Variants in CFAP52 observed in about 807,000 individuals in gnomAD.
CFAP52 encodes cilia- and flagella-associated protein 52.
In CFAP52, 57 loss-of-function variants were observed where a neutral mutation model predicts 70.5. The ratio of observed to expected loss-of-function variants is 0.81; its 90% CI spans 0.65 to 1.01. The LOEUF (loss-of-function observed/expected upper bound fraction) is 1.01, where lower values mean the gene tolerates loss of function less well. Ranked by LOEUF, CFAP52 falls within the 50% of genes least tolerant of loss-of-function variation. The pLI is 0.00. For missense variants in CFAP52, 785 were observed against 788.5 expected (o/e 1.00, Z 0.05); for synonymous variants, 267 against 292.5 (o/e 0.91, Z 0.89).
intron 12 of CFAP52, among the ~76,000 whole-genome samples, chr17:9,639,955 A>G (rs1910978511): frequency 6.6e-6 from 1 of 152,196 alleles, no homozygotes; most frequent in Non-Finnish European, 1.5e-5. Flanking sequence ...GTGAATCCTG[A>G]GAAACATGGG....
Position 9,585,827 on chromosome 17 carries a change from C to A in CFAP52, c.125C>A (p.Pro42His), listed in dbSNP as rs1241233475. 3 of 1,614,082 alleles carry A rather than the reference C, an allele frequency of 1.9e-6. No individual in the cohort carries two copies. Among genetic ancestry groups the A allele is most frequent in the Non-Finnish European group, 2.5e-6 (3 of 1,180,026 alleles). Residue 42 changes from proline to histidine, a missense_variant, in exon 2 of 14, where the codon CCT (proline) becomes CAT (histidine). Pro to His is a moderately conservative substitution (Grantham distance 77, BLOSUM62 -2). Coordinates refer to ENST00000352665, the MANE Select transcript of CFAP52 (RefSeq NM_145054.5). ...CCTGACCAGGAGCATATGATTTATC[C>A]TCTTGGTTGCACAGTCCTCATTCAG... ...CHPDQEHMIY[P>H]LGCTVLIQAI...
chr17:9,636,106 G>A (rs1447635197), intron 11 of CFAP52, among the ~76,000 whole-genome samples: 12 of 151,588 alleles, frequency 7.9e-5, no homozygotes, highest in African/African-American at 2.2e-4. Context: ...CCCAGGATGC[G>A]GAGGTTGCAG....
intron 5 of CFAP52, among the ~76,000 whole-genome samples, chr17:9,598,901 C>T (rs562129781): frequency 1.3e-5 from 2 of 152,226 alleles, no homozygotes; most frequent in African/African-American, 4.8e-5. Flanking sequence ...GCCTGCCTCA[C>T]CTGGATGAAA....
rs751551727 is a variant in CFAP52, at chr17:9,643,104, T to G, written c.1769T>G (p.Ile590Ser). ...THVGVGHSGNITRIRISPGNQ... is the reference protein window; with the variant it reads ...THVGVGHSGNSTRIRISPGNQ... ...GTTGGGGTGGGACACAGTGGCAACA[T>G]CACACGCATCCGCATAAGTCCAGGA... Residue 590 changes from isoleucine (I) to serine (S), a missense_variant, in exon 14 of 14, where the codon ATC (isoleucine) becomes AGC (serine). Transcript: ENST00000352665. The G allele has an allele frequency of 6.2e-7, 1 of 1,613,824 alleles. No individual in the cohort carries two copies. The highest frequency in any genetic ancestry group is 1.1e-5 in the South Asian group (1 of 90,954).
chr17:9,577,053 G>C (rs1019053381), intron 1 of CFAP52, among the ~76,000 whole-genome samples: 2 of 152,190 alleles, frequency 1.3e-5, no homozygotes, highest in African/African-American at 4.8e-5. Flanking sequence ...GGCCGGATGA[G>C]TACGGGTGGT....
chr17:9,634,597 G>GA (rs541601611), intron 10 of CFAP52, among the ~76,000 whole-genome samples: 1,695 of 150,690 alleles, frequency 0.011, 37 homozygotes, highest in African/African-American at 0.039. Flanking sequence ...CTCAAAAAAA[G>GA]AAAAAAAAAT....
intron 11 of CFAP52, among the ~76,000 whole-genome samples, chr17:9,637,145 C>T (rs1262063229): frequency 6.6e-6 from 1 of 152,134 alleles, no homozygotes; most frequent in Non-Finnish European, 1.5e-5. Flanking sequence ...TTACAAATGT[C>T]GATTTTGATT....
At chr17:9,635,895 G>A (rs1004744173) in intron 11 of CFAP52, among the ~76,000 whole-genome samples, 1 of 152,092 alleles carries the variant, frequency 6.6e-6, no homozygotes, top group Non-Finnish European at 1.5e-5. Context: ...ATGCAAGGTC[G>A]GGCGTGGTGG....
chr17:9,633,010 A>C lies in CFAP52; in HGVS notation c.1297A>C (p.Ile433Leu), dbSNP rs1910622831. The change falls in exon 10 of 14, where the codon ATC becomes CTC. Residue 433 changes from isoleucine (I) to leucine (L), a missense_variant. Transcript: ENST00000352665. ...IATTSDCKRV[I>L]SGGGEGEVRV... ...CACCACCAGTGACTGTAAAAGGGTC[A>C]TCAGTGGCGGTGGGGAAGGGGAGGT... 6.2e-7 allele frequency: 1 copy of C among 1,613,916 alleles called. No individual in the cohort carries two copies. Among genetic ancestry groups the C allele is most frequent in the South Asian group, 1.1e-5 (1 of 91,030 alleles).
At chr17:9,628,903 C>T in intron 9 of CFAP52, 83 bp downstream of exon 9, 1 of 1,581,440 alleles carries the variant, frequency 6.3e-7, no homozygotes, top group South Asian at 1.2e-5. Flanking sequence ...CTAGTCTCTA[C>T]ATGTGGATAA....
At chr17:9,612,142 G>A (rs758309454) in intron 7 of CFAP52, among the ~76,000 whole-genome samples, 167 bp from the exon 8 acceptor site, 5 of 152,150 alleles carry the variant, frequency 3.3e-5, no homozygotes, top group South Asian at 2.1e-4. Context: ...TTTGCTGTTC[G>A]TGGGTACACC....
chr17:9,631,094 AAGAGAAAGAAAG>A (rs1567635071), intron 9 of CFAP52, among the ~76,000 whole-genome samples: 10 of 146,284 alleles, frequency 6.8e-5, no homozygotes, highest in African/African-American at 2.3e-4. Flanking sequence ...GAAAGAAAGA[AAGAGAAAGAAAG>A]AACATAAGTC....
chr17:9,610,299 C>T (rs1909663908), intron 7 of CFAP52: 2 of 152,190 alleles, frequency 1.3e-5, no homozygotes, highest in South Asian at 4.1e-4. Context: ...AGTGTGTGTA[C>T]ATTCCCATTA....
intron 7 of CFAP52, among the ~76,000 whole-genome samples, chr17:9,609,419 G>A (rs1312168618): frequency 2.0e-5 from 3 of 152,204 alleles, no homozygotes; most frequent in African/African-American, 7.2e-5. Flanking sequence ...GGGAGGCCAG[G>A]TGCAGTGGCT....
intron 10 of CFAP52, 87 bp from the exon 11 acceptor site, chr17:9,635,318 G>A: frequency 6.4e-7 from 1 of 1,560,470 alleles, no homozygotes; most frequent in African/African-American, 1.4e-5. Flanking sequence ...ATCAAGCATA[G>A]CAAAGGGGAA....
At chr17:9,615,819 T>TTA (rs145370335) in intron 8 of CFAP52, among the ~76,000 whole-genome samples, 7 of 84,498 alleles carry the variant, frequency 8.3e-5, no homozygotes, top group Non-Finnish European at 1.4e-4. Flanking sequence ...TTTTTTTTTT[T>TTA]CCCAGAAACA....
intron 11 of CFAP52, 116 bp from the exon 12 acceptor site, chr17:9,638,493 T>C (rs1348562752): frequency 1.2e-6 from 1 of 840,708 alleles, no homozygotes; most frequent in Non-Finnish European, 1.9e-6. Flanking sequence ...ATGAGATGTT[T>C]GGCATGGAGA....
chr17:9,598,886 C>T (rs375210133), intron 5 of CFAP52, among the ~76,000 whole-genome samples: 10 of 152,004 alleles, frequency 6.6e-5, no homozygotes, highest in East Asian at 1.9e-4. Flanking sequence ...CATCAAACAC[C>T]GAAAGCCTGC....
intron 8 of CFAP52, among the ~76,000 whole-genome samples, chr17:9,622,427 C>G (rs1875954828): frequency 6.6e-6 from 1 of 151,828 alleles, no homozygotes; most frequent in South Asian, 2.1e-4. Flanking sequence ...GTTGGTGGCA[C>G]TGCCTCTAGT....
Sources: allele counts gnomAD v4.1 joint callset (sites outside exome capture counted in the v4.1 genomes callset), GRCh38; gene constraint gnomAD v4.1.1; transcripts MANE v1.5; gene names NCBI Gene and HGNC (gene_info 2026-07-23, HGNC 2026-07-21).